Variants in RTN3 observed in about 807,000 individuals in gnomAD.
RTN3 encodes the protein reticulon 3, also known as reticulon-3.
A neutral mutation model predicts 77.8 loss-of-function variants in RTN3; 49 were observed. That is an observed-to-expected ratio of 0.63 (90% CI 0.50 to 0.80). The LOEUF (loss-of-function observed/expected upper bound fraction) is 0.80, where lower values mean the gene tolerates loss of function less well. Ranked by LOEUF, RTN3 falls within the 30% of genes least tolerant of loss-of-function variation. The pLI is 0.00. For synonymous variants in RTN3, 464 were observed against 446.9 expected, an observed-to-expected ratio of 1.04 and a Z score of -0.48; for missense variants, 1,236 against 1,211.9, an observed-to-expected ratio of 1.02 and a Z score of -0.29.
Position 63,719,727 on chromosome 11 carries a change from T to A in RTN3, c.1225T>A (p.Ser409Thr), listed in dbSNP as rs144217345. 2 of 1,614,000 alleles carry A rather than the reference T, an allele frequency of 1.2e-6. No homozygotes were observed. Among genetic ancestry groups the A allele is most frequent in the Non-Finnish European group, 1.7e-6 (2 of 1,180,010 alleles). The change falls in exon 3 of 9, where the codon TCT becomes ACT. Residue 409 changes from serine (S) to threonine (T), a missense_variant. Physicochemically the swap from Ser to Thr is moderately conservative, Grantham distance 58 (BLOSUM62 1). This residue lies in a region of RTN3 where 1,056 missense variants were observed against 990.4 expected (regional missense o/e 1.07). Coordinates refer to ENST00000377819, the MANE Select transcript of RTN3 (RefSeq NM_001265589.2). ...ATCAACAGGTGATTGGGCAGAAGCA[T>A]CTCTCCAGCAAGAAAATGCTATTAC... ...TKSTGDWAEA[S>T]LQQENAITGK...
At chr11:63,738,973 C>G (rs993727150) in intron 3 of RTN3, among the ~76,000 whole-genome samples, 2 of 151,896 alleles carry the variant, frequency 1.3e-5, no homozygotes, top group African/African-American at 4.8e-5. Flanking sequence ...GTACTGCAGC[C>G]GGCGTCCTTA....
At chr11:63,721,976 C>T (rs1301429639) in intron 3 of RTN3, among the ~76,000 whole-genome samples, 11 of 152,088 alleles carry the variant, frequency 7.2e-5, no homozygotes, top group Admixed American at 5.9e-4. Context: ...CAGGCCAAAA[C>T]TCATTATTAG....
chr11:63,690,145 C>T (rs879544316), intron 1 of RTN3, among the ~76,000 whole-genome samples: 2 of 152,150 alleles, frequency 1.3e-5, no homozygotes, highest in African/African-American at 2.4e-5. Flanking sequence ...CCAGAGGGAA[C>T]GGTGAGCTTT....
intron 1 of RTN3, among the ~76,000 whole-genome samples, chr11:63,687,700 T>C (rs2134622767): frequency 6.6e-6 from 1 of 152,132 alleles, no homozygotes; most frequent in East Asian, 1.9e-4. Context: ...AGAAATGAAA[T>C]ATAGATCAAC....
chr11:63,682,993 A>AT (rs199645843), intron 1 of RTN3, among the ~76,000 whole-genome samples: 29 of 151,104 alleles, frequency 1.9e-4, no homozygotes, highest in East Asian at 7.8e-4. Flanking sequence ...GATTTTGATC[A>AT]TTTTTTTTTA....
chr11:63,729,045 C>T (rs1362097471), intron 3 of RTN3, among the ~76,000 whole-genome samples: 1 of 151,472 alleles, frequency 6.6e-6, no homozygotes, highest in African/African-American at 2.4e-5. Context: ...GAAAAAAAAC[C>T]TGTCAACCCA....
At chr11:63,708,090 G>A (rs1463388776) in intron 2 of RTN3, among the ~76,000 whole-genome samples, 1 of 152,100 alleles carries the variant, frequency 6.6e-6, no homozygotes, top group Non-Finnish European at 1.5e-5. Context: ...TAAGGGAAGA[G>A]GAAGCTGTTG....
intron 3 of RTN3, among the ~76,000 whole-genome samples, chr11:63,741,609 A>G (rs1478782318): frequency 1.3e-5 from 2 of 150,006 alleles, no homozygotes; most frequent in Non-Finnish European, 3.0e-5. Flanking sequence ...AAGTGATTCT[A>G]CTGCCTCAGC....
At chr11:63,751,268 A>C (rs2014092262) in intron 4 of RTN3, among the ~76,000 whole-genome samples, 1 of 152,222 alleles carries the variant, frequency 6.6e-6, no homozygotes, top group Non-Finnish European at 1.5e-5. Flanking sequence ...CACATAGGTA[A>C]GACTTGACAT....
At position 63,689,977 on chromosome 11, in the gene RTN3, C is replaced by T. The variant is rs147901758; in HGVS notation, c.142+8199C>T. Among the ~76,000 whole-genome samples the T allele has an allele frequency of 9.7e-4, 147 of 152,070 alleles. 2 individuals are homozygous for T. In the East Asian group the frequency reaches 0.019, roughly 19 times the overall value. On this transcript the variant is annotated intron_variant, in intron 1 of 8. Transcript: ENST00000377819. ...TTCACCATGTTGGTCAGGCTGGTCC[C>T]GAACTCCTGACCTCAAGTGAACTGC... is the stretch of plus-strand genomic sequence containing the variant.
intron 3 of RTN3, among the ~76,000 whole-genome samples, chr11:63,748,330 A>G (rs2013912679): frequency 6.7e-6 from 1 of 150,078 alleles, no homozygotes; most frequent in Non-Finnish European, 1.5e-5. Flanking sequence ...TCCTGACATA[A>G]TTATTAATAG....
chr11:63,714,066 T>C (rs756722599), intron 2 of RTN3: 6 of 516,844 alleles, frequency 1.2e-5, no homozygotes, highest in Middle Eastern at 3.2e-4. Context: ...CTTATTAGTT[T>C]TTGGTCTTCA....
intron 2 of RTN3, among the ~76,000 whole-genome samples, chr11:63,717,317 C>T (rs936817834): frequency 1.1e-4 from 16 of 148,350 alleles, no homozygotes; most frequent in Non-Finnish European, 1.8e-4. Flanking sequence ...TAAGACTTAA[C>T]GTATTACTTT....
chr11:63,742,346 A>G (rs1175077881), intron 3 of RTN3, among the ~76,000 whole-genome samples: 1 of 151,276 alleles, frequency 6.6e-6, no homozygotes, highest in Non-Finnish European at 1.5e-5. Context: ...CATTTTTACA[A>G]AAACCTACTA....
At chr11:63,695,797 A>G (rs906814674) in intron 1 of RTN3, among the ~76,000 whole-genome samples, 4 of 152,236 alleles carry the variant, frequency 2.6e-5, no homozygotes, top group South Asian at 2.1e-4. Context: ...CTAAGGAGAC[A>G]TGATGACAAA....
rs1260719545 is a variant in RTN3 at position 63,696,089 on chromosome 11, C to T, written c.143-8762C>T. On this transcript the variant is annotated intron_variant, in intron 1 of 8. Coordinates refer to ENST00000377819, the MANE Select transcript of RTN3 (RefSeq NM_001265589.2). Reference sequence around the variant, plus strand: ...AATTATTAGACCTTTGTTAAGTTTCCTTTAAAAAAAAAAAAAAAACCTATT... The same window carrying T: ...AATTATTAGACCTTTGTTAAGTTTCTTTTAAAAAAAAAAAAAAAACCTATT... Among the ~76,000 whole-genome samples, 9 of 143,964 alleles carry T rather than the reference C, an allele frequency of 6.3e-5. 1 individual carries two copies. The highest frequency in any genetic ancestry group is 4.5e-4 in the South Asian group (2 of 4,462). 94.4% of individuals were successfully genotyped at this position (143,964 alleles called of 152,430 possible).
chr11:63,727,411 CAAA>C (rs1193248793), intron 3 of RTN3, among the ~76,000 whole-genome samples: 5 of 151,938 alleles, frequency 3.3e-5, no homozygotes, highest in Non-Finnish European at 7.4e-5. Context: ...TTTAATCACT[CAAA>C]GAAGTAAAGG....
At chr11:63,725,265 A>G (rs1249322495) in intron 3 of RTN3, among the ~76,000 whole-genome samples, 1 of 152,160 alleles carries the variant, frequency 6.6e-6, no homozygotes, top group African/African-American at 2.4e-5. Flanking sequence ...AACGTTTTCC[A>G]TTCAACATTA....
At chr11:63,753,363 T>G (rs2014202571) in intron 6 of RTN3, among the ~76,000 whole-genome samples, 1 of 152,186 alleles carries the variant, frequency 6.6e-6, no homozygotes, top group Non-Finnish European at 1.5e-5. Flanking sequence ...TAAAGGACAG[T>G]TGTCTAGATT....
Sources: allele counts gnomAD v4.1 joint callset (sites outside exome capture counted in the v4.1 genomes callset), GRCh38; gene constraint gnomAD v4.1.1; regional missense constraint gnomAD v4.1.1; transcripts MANE v1.5; gene names NCBI Gene and HGNC (gene_info 2026-07-23, HGNC 2026-07-21).